The following GRIK1 variants were observed in gnomAD, a reference collection of about 807,000 sequenced individuals.
GRIK1 encodes the protein glutamate receptor ionotropic, kainate 1.
A neutral mutation model predicts 105.7 loss-of-function variants in GRIK1; 69 were observed. The observed-to-expected ratio is 0.65, with a 90% CI of 0.54 to 0.80. The LOEUF is 0.80. Among genes scored for constraint, GRIK1 ranks in the 30% least tolerant of loss-of-function variants. The pLI is 0.00. For synonymous variants in GRIK1, 438 were observed against 431.3 expected (o/e 1.02, Z -0.19); for missense variants, 1,109 against 1,167.3 (o/e 0.95, Z 0.73).
chr21:29,577,587 TTTTA>T (rs1319934149), intron 13 of GRIK1, among the ~76,000 whole-genome samples: 1 of 152,228 alleles, frequency 6.6e-6, no homozygotes, highest in Non-Finnish European at 1.5e-5. Context: ...ATGCTAACAT[TTTTA>T]TTTAAGGTTA....
At chr21:29,684,208 T>C (rs1390667981) in intron 3 of GRIK1, among the ~76,000 whole-genome samples, 1 of 152,244 alleles carries the variant, frequency 6.6e-6, no homozygotes, top group Non-Finnish European at 1.5e-5. Flanking sequence ...TTACTTAGGA[T>C]AATGTCTGGC....
intron 1 of GRIK1, among the ~76,000 whole-genome samples, chr21:29,714,307 TC>T: frequency 6.6e-6 from 1 of 152,302 alleles, no homozygotes; most frequent in South Asian, 2.1e-4. Flanking sequence ...TAATGATGGA[TC>T]TTAATATCAA....
At chr21:29,678,509 C>G (rs888371453) in intron 3 of GRIK1, among the ~76,000 whole-genome samples, 1 of 152,058 alleles carries the variant, frequency 6.6e-6, no homozygotes, top group Non-Finnish European at 1.5e-5. Flanking sequence ...TAAGTTTCAA[C>G]AGTAGCTAAA....
chr21:29,848,668 T>C (rs558820899), intron 1 of GRIK1, among the ~76,000 whole-genome samples: 1 of 151,364 alleles, frequency 6.6e-6, no homozygotes, highest in South Asian at 2.1e-4. Context: ...TCTACAAGGC[T>C]CTATATAGCC....
chr21:29,825,785 T>C (rs1229621629), intron 1 of GRIK1, among the ~76,000 whole-genome samples: 1 of 152,086 alleles, frequency 6.6e-6, no homozygotes, highest in Non-Finnish European at 1.5e-5. Context: ...ATACTATCCT[T>C]TACATAATTT....
At chr21:29,570,388 G>A (rs2090713647) in intron 14 of GRIK1, among the ~76,000 whole-genome samples, 1 of 151,966 alleles carries the variant, frequency 6.6e-6, no homozygotes, top group Non-Finnish European at 1.5e-5. Flanking sequence ...TGTAATCCCA[G>A]CTACTCAGGA....
chr21:29,903,002 G>C (rs145328268), intron 1 of GRIK1, among the ~76,000 whole-genome samples: 2 of 151,624 alleles, frequency 1.3e-5, no homozygotes, highest in African/African-American at 4.9e-5. Flanking sequence ...TCTGATCTTT[G>C]ACAAACCTGA....
intron 14 of GRIK1, among the ~76,000 whole-genome samples, chr21:29,569,292 T>C (rs754493540): frequency 6.6e-6 from 1 of 152,258 alleles, no homozygotes; most frequent in Non-Finnish European, 1.5e-5. Context: ...TAATATCTAA[T>C]GTTTTTATTG....
intron 1 of GRIK1, among the ~76,000 whole-genome samples, chr21:29,821,331 T>C (rs1276480487): frequency 6.6e-6 from 1 of 152,106 alleles, no homozygotes; most frequent in Non-Finnish European, 1.5e-5. Flanking sequence ...GCAACTGCAG[T>C]TGCAGGCCTC....
chr21:29,694,166 C>T (rs1157063708), intron 1 of GRIK1, 103 bp from the exon 2 acceptor site: 1 of 770,482 alleles, frequency 1.3e-6, no homozygotes, highest in Non-Finnish European at 2.0e-6. Flanking sequence ...GCTCTGTCAC[C>T]CAGACTGGAG....
At chr21:29,802,537 G>A (rs1670217242) in intron 1 of GRIK1, among the ~76,000 whole-genome samples, 1 of 152,024 alleles carries the variant, frequency 6.6e-6, no homozygotes, top group African/African-American at 2.4e-5. Context: ...CTTTTTGTCT[G>A]GATCTCATCA....
intron 1 of GRIK1, among the ~76,000 whole-genome samples, chr21:29,755,267 A>G (rs1321945132): frequency 6.6e-6 from 1 of 152,178 alleles, no homozygotes; most frequent in Non-Finnish European, 1.5e-5. Context: ...ATCATCCCAC[A>G]CTTAGAAAGC....
chr21:29,702,514 C>G (rs1261633638), intron 1 of GRIK1, among the ~76,000 whole-genome samples: 2 of 152,076 alleles, frequency 1.3e-5, no homozygotes, highest in African/African-American at 4.8e-5. Flanking sequence ...GAGTTTGAGA[C>G]CAGACTGGTC....
chr21:29,767,996 A>G (rs1302468886), intron 1 of GRIK1, among the ~76,000 whole-genome samples: 1 of 152,104 alleles, frequency 6.6e-6, no homozygotes, highest in Non-Finnish European at 1.5e-5. Context: ...AGATAAAACT[A>G]TTTTTAAGCG....
intron 1 of GRIK1, among the ~76,000 whole-genome samples, chr21:29,921,595 A>C (rs1217543289): frequency 6.6e-6 from 1 of 151,988 alleles, no homozygotes; most frequent in East Asian, 1.9e-4. Context: ...TCTCAAGTAA[A>C]AGTTTCAAGA....
chr21:29,759,365 G>T (rs1165638106), intron 1 of GRIK1, among the ~76,000 whole-genome samples: 1 of 152,058 alleles, frequency 6.6e-6, no homozygotes, highest in African/African-American at 2.4e-5. Context: ...TGATCCGCCC[G>T]CCTCGGCCTC....
chr21:29,813,555 ATTTGGTATTGC>A (rs1482506804), intron 1 of GRIK1, among the ~76,000 whole-genome samples: 1 of 152,170 alleles, frequency 6.6e-6, no homozygotes, highest in African/African-American at 2.4e-5. Context: ...AAATTTCTAA[ATTTGGTATTGC>A]TGAGTATTAC....
At chr21:29,880,936 A>C (rs1200193468) in intron 1 of GRIK1, among the ~76,000 whole-genome samples, 1 of 152,114 alleles carries the variant, frequency 6.6e-6, no homozygotes, top group Non-Finnish European at 1.5e-5. Flanking sequence ...GCTAGGTGAT[A>C]AGGTGAAGAT....
chr21:29,595,351 T>C (rs1287398270), intron 9 of GRIK1, among the ~76,000 whole-genome samples: 1 of 151,558 alleles, frequency 6.6e-6, no homozygotes, highest in Non-Finnish European at 1.5e-5. Flanking sequence ...TTTTTTTTTT[T>C]TTTTTTCTTT....
Sources: allele counts gnomAD v4.1 joint callset (sites outside exome capture counted in the v4.1 genomes callset), GRCh38; gene constraint gnomAD v4.1.1; transcripts MANE v1.5; gene names NCBI Gene and HGNC (gene_info 2026-07-23, HGNC 2026-07-21).